COL25A1: variants seen among roughly 807,000 people sequenced by gnomAD.
COL25A1 encodes the protein collagen type XXV alpha 1 chain.
In COL25A1, 103 loss-of-function variants were observed where a neutral mutation model predicts 128.4. The observed-to-expected ratio is 0.80, with a 90% CI of 0.68 to 0.94. The LOEUF is 0.94. COL25A1 is among the 40% of genes least tolerant of loss of function. The probability of loss-of-function intolerance (pLI) is 0.00; values close to 1 mark genes in which losing one functional copy is unlikely to be tolerated. For synonymous variants in COL25A1, 279 were observed against 277.2 expected (o/e 1.01, Z -0.06); for missense variants, 745 against 840.0 (o/e 0.89, Z 1.40).
In COL25A1 at chr4:109,227,773, G is replaced by A. The variant is rs76488976; in HGVS notation, c.367+72810C>T. 3.4e-3 allele frequency among the ~76,000 whole-genome samples: 525 copies of A among 152,238 alleles called. 1 individual carries two copies. Among genetic ancestry groups the A allele is most frequent in the African/African-American group, 0.012 (491 of 41,522 alleles). On this transcript the variant is annotated intron_variant, in intron 3 of 37. Transcript: ENST00000399132. Reference sequence around the variant, plus strand: ...TCTGTGTTACTCAGGGTTCTCCAGAGACAGAACCAATAGGGCACTTATATA... The same window carrying A: ...TCTGTGTTACTCAGGGTTCTCCAGAAACAGAACCAATAGGGCACTTATATA...
intron 3 of COL25A1, among the ~76,000 whole-genome samples, chr4:109,274,622 C>A (rs1782416821): frequency 6.6e-6 from 1 of 152,060 alleles, no homozygotes; most frequent in Non-Finnish European, 1.5e-5. Context: ...TTTGTTAAAA[C>A]AAATAATTTA....
chr4:109,143,909 C>A (rs1171021322), intron 3 of COL25A1, among the ~76,000 whole-genome samples: 1 of 152,142 alleles, frequency 6.6e-6, no homozygotes, highest in East Asian at 1.9e-4. Flanking sequence ...ATTCGTCAAA[C>A]TCATTCTCTG....
At position 108,930,923 on chromosome 4, in the gene COL25A1, G is replaced by A. The variant is rs554027798; in HGVS notation, c.708+6885C>T. On this transcript the variant is annotated intron_variant, in intron 11 of 37. Transcript: ENST00000399132. The stretch of plus-strand genomic sequence containing the variant: ...AGTCTGCAAATGTAAAGCACAAACA[G>A]ATTTAACTCTGTTTTTAAAAATTTC... 2.0e-5 allele frequency among the ~76,000 whole-genome samples: 3 copies of A among 152,240 alleles called. No homozygotes were observed. The East Asian group carries it at 5.8e-4, about 29-fold the overall frequency.
chr4:108,870,337 A>G (rs891844252), intron 19 of COL25A1, among the ~76,000 whole-genome samples: 6 of 152,052 alleles, frequency 3.9e-5, no homozygotes, highest in Non-Finnish European at 8.8e-5. Flanking sequence ...GCTATAAAAA[A>G]CCTTGGGTAT....
chr4:108,994,377 C>T (rs2126017796), intron 6 of COL25A1, among the ~76,000 whole-genome samples: 1 of 152,336 alleles, frequency 6.6e-6, no homozygotes, highest in Non-Finnish European at 1.5e-5. Flanking sequence ...TGAGATTGAC[C>T]TGCGAGGCTG....
intron 5 of COL25A1, among the ~76,000 whole-genome samples, chr4:109,037,903 C>A (rs771361968): frequency 6.6e-6 from 1 of 152,110 alleles, no homozygotes; most frequent in South Asian, 2.1e-4. Context: ...CTTATCAAAT[C>A]AGACATGCAT....
intron 3 of COL25A1, among the ~76,000 whole-genome samples, chr4:109,069,863 A>G (rs1762764373): frequency 6.6e-6 from 1 of 152,226 alleles, no homozygotes; most frequent in South Asian, 2.1e-4. Flanking sequence ...TGAAATAAGC[A>G]TATGCTACTT....
chr4:109,150,803 A>G lies in COL25A1; in HGVS notation c.368-100624T>C, dbSNP rs139681245. Among the ~76,000 whole-genome samples the G allele has an allele frequency of 1.7e-3, 254 of 152,242 alleles. 3 individuals carry two copies. Among genetic ancestry groups the G allele is most frequent in the African/African-American group, 5.6e-3 (234 of 41,564 alleles). ...TGATGTGTACACCAAATTATCACTG[A>G]ATTTCATTTTAAAGAACCTGTTTAC... On this transcript the variant is annotated intron_variant, in intron 3 of 37. Transcript: ENST00000399132.
At chr4:109,165,149 A>G (rs17040028) in intron 3 of COL25A1, among the ~76,000 whole-genome samples, 3,067 of 152,254 alleles carry the variant, frequency 0.02, 97 homozygotes, top group South Asian at 0.13. Flanking sequence ...ACATATATTA[A>G]CTCAAATTTA....
At chr4:109,034,114 C>A (rs1759117881) in intron 5 of COL25A1, among the ~76,000 whole-genome samples, 1 of 152,044 alleles carries the variant, frequency 6.6e-6, no homozygotes, top group Non-Finnish European at 1.5e-5. Context: ...ATTTAAATAA[C>A]AAAAATGTAG....
intron 32 of COL25A1, among the ~76,000 whole-genome samples, chr4:108,831,949 A>C (rs1483429867): frequency 6.6e-6 from 1 of 152,236 alleles, no homozygotes; most frequent in Admixed American, 6.5e-5. Flanking sequence ...GCAGAAAAGA[A>C]TACTTAGGTT....
chr4:108,953,576 A>T (rs1240175211), intron 8 of COL25A1, among the ~76,000 whole-genome samples: 1 of 152,202 alleles, frequency 6.6e-6, no homozygotes, highest in African/African-American at 2.4e-5. Context: ...GACTTGGCTG[A>T]ATAGAAGAGT....
chr4:109,299,594 A>C (rs894017766), intron 3 of COL25A1, among the ~76,000 whole-genome samples: 3 of 152,108 alleles, frequency 2.0e-5, no homozygotes, highest in Non-Finnish European at 1.5e-5. Flanking sequence ...AAATACAAGA[A>C]CTTGCCTTTT....
chr4:109,159,041 G>A (rs1772308923), intron 3 of COL25A1, among the ~76,000 whole-genome samples: 1 of 151,852 alleles, frequency 6.6e-6, no homozygotes. Flanking sequence ...TGTAGTAAGT[G>A]GAGCAATCCA....
intron 26 of COL25A1, among the ~76,000 whole-genome samples, 185 bp from the exon 27 acceptor site, chr4:108,848,988 G>A (rs888743695): frequency 4.6e-5 from 7 of 152,064 alleles, no homozygotes; most frequent in African/African-American, 1.7e-4. Flanking sequence ...TCAAGATTAT[G>A]TATAGTATTT....
chr4:109,225,064 C>A (rs373881841), intron 3 of COL25A1, among the ~76,000 whole-genome samples: 2 of 152,254 alleles, frequency 1.3e-5, no homozygotes, highest in South Asian at 4.1e-4. Flanking sequence ...AATTCCCAAG[C>A]TGATTATGAT....
chr4:108,909,634 T>C (rs1169346969), intron 13 of COL25A1, among the ~76,000 whole-genome samples: 1 of 152,162 alleles, frequency 6.6e-6, no homozygotes, highest in Non-Finnish European at 1.5e-5. Context: ...ACAAAGGAAA[T>C]GTAATGCAGA....
chr4:109,011,013 A>G (rs1756531109), intron 5 of COL25A1, among the ~76,000 whole-genome samples: 1 of 152,228 alleles, frequency 6.6e-6, no homozygotes, highest in Non-Finnish European at 1.5e-5. Context: ...CCTCTGTCCA[A>G]TCTAATTTAT....
chr4:108,867,829 T>A (rs1247033372), intron 20 of COL25A1, among the ~76,000 whole-genome samples: 1 of 152,174 alleles, frequency 6.6e-6, no homozygotes, highest in East Asian at 1.9e-4. Context: ...ACTTTTTATG[T>A]CTTTCAGGGT....
Sources: gnomAD v4.1 joint callset for allele counts (sites outside exome capture counted in the v4.1 genomes callset) on GRCh38, gnomAD v4.1.1 for gene constraint, MANE v1.5 for transcripts, NCBI Gene and HGNC (gene_info 2026-07-23, HGNC 2026-07-21) for gene names.